Variants in IDO2 observed in about 807,000 individuals in gnomAD.
The protein encoded by IDO2 is indoleamine 2,3-dioxygenase 2, also known as indoleamine 2,3-dioxygenase-like 1 protein.
Under a neutral mutation model 45.1 loss-of-function variants are expected in IDO2, and 46 were observed. The ratio of observed to expected loss-of-function variants is 1.02; its 90% CI spans 0.80 to 1.30. IDO2 has a LOEUF of 1.30. Among genes scored for constraint, IDO2 ranks in the 50% most tolerant of loss-of-function variants. The pLI is 0.00. For synonymous variants in IDO2, 218 were observed against 184.9 expected (o/e 1.18, Z -1.45); for missense variants, 544 against 491.8 (o/e 1.11, Z -1.00).
chr8:39,962,041 C>G (rs1808006230), intron 2 of IDO2, among the ~76,000 whole-genome samples: 1 of 152,140 alleles, frequency 6.6e-6, no homozygotes, highest in Admixed American at 6.6e-5. Flanking sequence ...TAAAAGCAAC[C>G]ATAGATAGCA....
intron 8 of IDO2, among the ~76,000 whole-genome samples, chr8:40,004,798 T>C (rs1802195288): frequency 6.6e-6 from 1 of 152,228 alleles, no homozygotes; most frequent in Non-Finnish European, 1.5e-5. Flanking sequence ...TAGTTGTTTA[T>C]ATTAATGAAG....
At chr8:39,978,211 C>T (rs867170514) in intron 3 of IDO2, among the ~76,000 whole-genome samples, 8 of 152,300 alleles carry the variant, frequency 5.3e-5, no homozygotes, top group South Asian at 2.1e-4. Context: ...GCCCACGTGG[C>T]GGTGCCTGGA....
intron 8 of IDO2, among the ~76,000 whole-genome samples, chr8:39,991,565 C>CTTTT (rs61354300): frequency 0.014 from 1,414 of 103,096 alleles, 12 homozygotes; most frequent in African/African-American, 0.025. Context: ...AGACTCACTT[C>CTTTT]TTTTTTTTTT....
At chr8:40,000,979 T>C (rs1354598840) in intron 8 of IDO2, among the ~76,000 whole-genome samples, 4 of 152,224 alleles carry the variant, frequency 2.6e-5, no homozygotes, top group Admixed American at 1.3e-4. Flanking sequence ...TCTCTGATTT[T>C]CTTTTTAAAT....
intron 2 of IDO2, among the ~76,000 whole-genome samples, chr8:39,954,583 C>T (rs1316480036): frequency 6.6e-6 from 1 of 151,582 alleles, no homozygotes; most frequent in African/African-American, 2.4e-5. Flanking sequence ...TGTAGATGGC[C>T]TCCTTATTAT....
intron 3 of IDO2, among the ~76,000 whole-genome samples, chr8:39,974,572 C>G (rs1808230474): frequency 1.3e-5 from 2 of 152,030 alleles, no homozygotes; most frequent in African/African-American, 2.4e-5. Context: ...CACCTGAGAT[C>G]AGGAGTTTGA....
At chr8:39,946,142 A>G (rs1807724623) in intron 1 of IDO2, among the ~76,000 whole-genome samples, 1 of 152,188 alleles carries the variant, frequency 6.6e-6, no homozygotes, top group Non-Finnish European at 1.5e-5. Flanking sequence ...CAGACCCTGT[A>G]CTTGATGGAT....
chr8:39,982,286 A>T (rs1248840076), intron 4 of IDO2, among the ~76,000 whole-genome samples: 1 of 150,962 alleles, frequency 6.6e-6, no homozygotes, highest in African/African-American at 2.4e-5. Flanking sequence ...CCATCTACTT[A>T]CCTATCTATC....
At chr8:40,009,468 TC>T (rs1245420830) in intron 9 of IDO2, among the ~76,000 whole-genome samples, 1 of 151,986 alleles carries the variant, frequency 6.6e-6, no homozygotes, top group Non-Finnish European at 1.5e-5. Context: ...CATTTTTTTT[TC>T]CCCACTAAAA....
intron 1 of IDO2, 135 bp from the exon 2 acceptor site, chr8:39,949,014 G>A (rs1291000950): frequency 3.5e-6 from 4 of 1,127,572 alleles, no homozygotes; most frequent in Non-Finnish European, 4.9e-6. Flanking sequence ...AGTCCATGAT[G>A]ATCTGGAATT....
chr8:39,952,296 C>T (rs539119796), intron 2 of IDO2, among the ~76,000 whole-genome samples: 1 of 152,180 alleles, frequency 6.6e-6, no homozygotes, highest in African/African-American at 2.4e-5. Flanking sequence ...GAAAGGCAAG[C>T]GTCAGAGTCG....
exon 1 of IDO2, chr8:39,934,871 T>G (rs1358801933): frequency 3.3e-5 from 15 of 456,860 alleles, no homozygotes; most frequent in Non-Finnish European, 4.8e-5. Context: ...AGATGGAGAA[T>G]TTTAAAGTTG....
At chr8:39,974,807 T>C (rs1416815810) in intron 3 of IDO2, among the ~76,000 whole-genome samples, 1 of 151,976 alleles carries the variant, frequency 6.6e-6, no homozygotes, top group Non-Finnish European at 1.5e-5. Flanking sequence ...TGTAGTCCCA[T>C]CTACTTGGGA....
chr8:39,950,855 A>G (rs913483829), intron 2 of IDO2, among the ~76,000 whole-genome samples: 1 of 152,204 alleles, frequency 6.6e-6, no homozygotes, highest in South Asian at 2.1e-4. Flanking sequence ...GGGCTTTTCT[A>G]GTTCTGTCCA....
At chr8:40,009,705 T>G (rs1365792408) in intron 9 of IDO2, among the ~76,000 whole-genome samples, 2 of 152,192 alleles carry the variant, frequency 1.3e-5, no homozygotes, top group Non-Finnish European at 2.9e-5. Flanking sequence ...GATGTGCTTC[T>G]TTTATCTTTT....
chr8:39,943,414 T>A (rs1807677861), intron 1 of IDO2, among the ~76,000 whole-genome samples: 1 of 150,898 alleles, frequency 6.6e-6, no homozygotes, highest in South Asian at 2.1e-4. Flanking sequence ...AGAAAGAATG[T>A]TCCTCAATAC....
At chr8:39,980,685 C>G (rs954954762) in intron 4 of IDO2, among the ~76,000 whole-genome samples, 2 of 152,144 alleles carry the variant, frequency 1.3e-5, no homozygotes, top group African/African-American at 4.8e-5. Context: ...ACACAGGAGA[C>G]TCAGGGAAGA....
intron 1 of IDO2, among the ~76,000 whole-genome samples, chr8:39,935,521 C>T (rs1807532581): frequency 6.6e-6 from 1 of 152,070 alleles, no homozygotes; most frequent in African/African-American, 2.4e-5. Context: ...ATGATCTCGG[C>T]TCACTGCAAC....
intron 1 of IDO2, among the ~76,000 whole-genome samples, chr8:39,946,025 CATT>C (rs1226703531): frequency 5.9e-5 from 9 of 152,186 alleles, no homozygotes; most frequent in Admixed American, 6.5e-5. Context: ...GTGGGACTAA[CATT>C]AGCCACAAGA....
Sources: allele counts gnomAD v4.1 joint callset (sites outside exome capture counted in the v4.1 genomes callset), GRCh38; gene constraint gnomAD v4.1.1; transcripts MANE v1.5; gene names NCBI Gene and HGNC (gene_info 2026-07-23, HGNC 2026-07-21).